PALM2AKAP2: variants seen among roughly 807,000 people sequenced by gnomAD.
PALM2AKAP2 encodes PALM2 and AKAP2 fusion, also known as PALM2-AKAP2 fusion protein.
In PALM2AKAP2, 37 loss-of-function variants were observed where a neutral mutation model predicts 71.5. The ratio of observed to expected loss-of-function variants is 0.52; its 90% CI spans 0.40 to 0.68. PALM2AKAP2 has a LOEUF of 0.68. PALM2AKAP2 is among the 30% of genes least tolerant of loss of function. The pLI is 0.00. For missense variants in PALM2AKAP2, 1,224 were observed against 1,191.8 expected (o/e 1.03, Z -0.40); for synonymous variants, 468 against 478.8 (o/e 0.98, Z 0.29).
intron 1 of PALM2AKAP2, among the ~76,000 whole-genome samples, chr9:109,665,711 C>G (rs7868943): frequency 0.054 from 8,241 of 152,316 alleles, 294 homozygotes; most frequent in Middle Eastern, 0.13. Context: ...GGGAGAACCA[C>G]TGCTCTCTTC....
chr9:109,956,536 G>T lies in PALM2AKAP2; in HGVS notation c.496+24508G>T, dbSNP rs569575378. Reference sequence around the variant, plus strand: ...TTCTTCAAGAACTTATTTCCAGTCAGAGTACAAAGATAGAGTCAGCTTTTC... The same window carrying T: ...TTCTTCAAGAACTTATTTCCAGTCATAGTACAAAGATAGAGTCAGCTTTTC... On this transcript the variant is annotated intron_variant, in intron 6 of 9. Transcript: ENST00000302798. 9.9e-5 allele frequency among the ~76,000 whole-genome samples: 15 copies of T among 152,256 alleles called. No homozygotes were observed. In the South Asian group the frequency reaches 3.1e-3, roughly 32 times the overall value.
At chr9:109,883,739 A>G (rs1829906020) in intron 3 of PALM2AKAP2, among the ~76,000 whole-genome samples, 1 of 152,226 alleles carries the variant, frequency 6.6e-6, no homozygotes, top group African/African-American at 2.4e-5. Flanking sequence ...CTCATTGCAA[A>G]CATGAGCACC....
At chr9:109,976,729 T>C (rs893015273) in intron 6 of PALM2AKAP2, among the ~76,000 whole-genome samples, 4 of 152,208 alleles carry the variant, frequency 2.6e-5, no homozygotes, top group African/African-American at 9.6e-5. Context: ...ACTTTATATG[T>C]GTTATCTCAT....
intron 2 of PALM2AKAP2, among the ~76,000 whole-genome samples, chr9:110,145,075 A>G (rs1198575709): frequency 1.3e-5 from 2 of 151,868 alleles, no homozygotes; most frequent in Non-Finnish European, 2.9e-5. Context: ...CCCTTTCCCA[A>G]TCTTATGCCC....
chr9:110,075,474 A>G (rs1275049726), intron 1 of PALM2AKAP2, among the ~76,000 whole-genome samples: 1 of 152,234 alleles, frequency 6.6e-6, no homozygotes, highest in African/African-American at 2.4e-5. Flanking sequence ...AACTATAAAA[A>G]GAAGAAAAGA....
At chr9:109,725,471 C>T (rs189533854) in intron 1 of PALM2AKAP2, among the ~76,000 whole-genome samples, 1 of 152,190 alleles carries the variant, frequency 6.6e-6, no homozygotes, top group Non-Finnish European at 1.5e-5. Flanking sequence ...TATGCTTAGC[C>T]ACTACTAGCA....
upstream of PALM2AKAP2, among the ~76,000 whole-genome samples, chr9:110,045,063 T>G (rs1833573925): frequency 1.6e-5 from 1 of 61,970 alleles, no homozygotes; most frequent in Non-Finnish European, 3.4e-5. Flanking sequence ...TTCTACTTCT[T>G]GGGTCCCCTG....
intron 1 of PALM2AKAP2, among the ~76,000 whole-genome samples, chr9:109,700,499 G>A (rs1305532306): frequency 6.6e-6 from 1 of 152,106 alleles, no homozygotes; most frequent in African/African-American, 2.4e-5. Flanking sequence ...AGCTGCATGA[G>A]AACAGACTAA....
chr9:109,843,175 GGATGCTT>G (rs1828753450), intron 1 of PALM2AKAP2, among the ~76,000 whole-genome samples: 1 of 136,246 alleles, frequency 7.3e-6, no homozygotes, highest in Non-Finnish European at 1.5e-5. Flanking sequence ...ACAATTAGCT[GGATGCTT>G]GTAGTCTCAG....
intron 1 of PALM2AKAP2, among the ~76,000 whole-genome samples, chr9:110,118,528 A>G (rs932098613): frequency 3.9e-5 from 6 of 152,028 alleles, no homozygotes; most frequent in Non-Finnish European, 8.8e-5. Context: ...GATTACAGGT[A>G]TCAGCCACTG....
chr9:110,080,863 A>G (rs1169178415), intron 1 of PALM2AKAP2, among the ~76,000 whole-genome samples: 2 of 152,148 alleles, frequency 1.3e-5, no homozygotes, highest in Non-Finnish European at 2.9e-5. Flanking sequence ...TATTTTTAGT[A>G]GAGATGAGGT....
At chr9:109,867,676 A>T in intron 2 of PALM2AKAP2, 105 bp downstream of exon 2, 2 of 1,303,706 alleles carry the variant, frequency 1.5e-6, no homozygotes, top group Non-Finnish European at 2.1e-6. Context: ...CCGCCAACCA[A>T]ACCAGCCTTT....
chr9:110,144,751 G>A (rs1836121737), intron 2 of PALM2AKAP2, among the ~76,000 whole-genome samples: 1 of 152,202 alleles, frequency 6.6e-6, no homozygotes, highest in African/African-American at 2.4e-5. Context: ...GTCAGCTCAT[G>A]TCAGGTTTTG....
chr9:109,697,809 T>C (rs1358042015), intron 1 of PALM2AKAP2, among the ~76,000 whole-genome samples: 2 of 152,222 alleles, frequency 1.3e-5, no homozygotes, highest in African/African-American at 2.4e-5. Context: ...AACTTCCAGC[T>C]GGCCCTTTTT....
At chr9:109,916,090 C>T (rs1307416614) in intron 3 of PALM2AKAP2, among the ~76,000 whole-genome samples, 2 of 152,130 alleles carry the variant, frequency 1.3e-5, no homozygotes, top group East Asian at 3.9e-4. Context: ...ATTATAGGCA[C>T]CTGCCACCAT....
chr9:109,855,588 A>T (rs1829140984), intron 1 of PALM2AKAP2, among the ~76,000 whole-genome samples: 1 of 152,176 alleles, frequency 6.6e-6, no homozygotes, highest in Non-Finnish European at 1.5e-5. Flanking sequence ...TATGTTTTTA[A>T]AGTCCTCTTC....
At chr9:109,645,310 C>T (rs1827134301) in intron 1 of PALM2AKAP2, among the ~76,000 whole-genome samples, 2 of 152,146 alleles carry the variant, frequency 1.3e-5, no homozygotes, top group African/African-American at 4.8e-5. Context: ...GAGACCCATT[C>T]ACTATCATGA....
intron 1 of PALM2AKAP2, among the ~76,000 whole-genome samples, chr9:109,732,383 T>C (rs1828569797): frequency 6.6e-6 from 1 of 152,212 alleles, no homozygotes; most frequent in African/African-American, 2.4e-5. Flanking sequence ...AACATATCCA[T>C]GACAAGGTTC....
At chr9:109,846,272 T>A (rs1828856220) in intron 1 of PALM2AKAP2, among the ~76,000 whole-genome samples, 1 of 152,152 alleles carries the variant, frequency 6.6e-6, no homozygotes, top group Non-Finnish European at 1.5e-5. Context: ...GCACCAAGGT[T>A]AGGGCTTGTG....
Sources: gnomAD v4.1 joint callset for allele counts (sites outside exome capture counted in the v4.1 genomes callset) on GRCh38, gnomAD v4.1.1 for gene constraint, MANE v1.5 for transcripts, NCBI Gene and HGNC (gene_info 2026-07-23, HGNC 2026-07-21) for gene names.